Variants in SLC19A2 observed in about 807,000 individuals in gnomAD.
SLC19A2 encodes thiamine transporter 1.
SLC19A2 carries 27 observed loss-of-function variants against 44.7 expected under a neutral mutation model. The ratio of observed to expected loss-of-function variants is 0.60; its 90% CI spans 0.45 to 0.83. The LOEUF is 0.83. SLC19A2 is among the 40% of genes least tolerant of loss of function. The probability of loss-of-function intolerance (pLI) is 0.00; values close to 1 mark genes in which losing one functional copy is unlikely to be tolerated. For missense variants in SLC19A2, 566 were observed against 613.7 expected, an observed-to-expected ratio of 0.92 and a Z score of 0.82; for synonymous variants, 239 against 243.6, an observed-to-expected ratio of 0.98 and a Z score of 0.18.
chr1:169,480,357 G>A (rs1293894169), intron 1 of SLC19A2, among the ~76,000 whole-genome samples: 3 of 151,946 alleles, frequency 2.0e-5, no homozygotes, highest in African/African-American at 4.8e-5. Flanking sequence ...TTGTCACCCA[G>A]GCTGGAGTGC....
At chr1:169,466,554 T>C (rs959019529) in intron 5 of SLC19A2, among the ~76,000 whole-genome samples, 1 of 152,010 alleles carries the variant, frequency 6.6e-6, no homozygotes, top group East Asian at 1.9e-4. Flanking sequence ...CTGGGGTACA[T>C]GTGCAGAATG....
Position 169,477,766 on chromosome 1 carries a change from AAG to A in SLC19A2, c.205-11_205-10del. ...TAAATTTCATTGAAGACCTGGTAGA[AAG>A]AGAAAAAAAAAAAACAAAAAACATT... On this transcript the variant is annotated splice_polypyrimidine_tract_variant and intron_variant, in intron 1 of 5. Transcript: ENST00000236137. The A allele has an allele frequency of 6.2e-7, 1 of 1,600,618 alleles. No individual in the cohort carries two copies. The highest frequency in any genetic ancestry group is 2.2e-5 in the East Asian group (1 of 44,618).
intron 1 of SLC19A2, among the ~76,000 whole-genome samples, chr1:169,478,639 G>C (rs1658381806): frequency 6.9e-6 from 1 of 145,918 alleles, no homozygotes; most frequent in African/African-American, 2.6e-5. Flanking sequence ...CTCCCAAACT[G>C]CTGGGATTAC....
intron 1 of SLC19A2, among the ~76,000 whole-genome samples, chr1:169,480,318 T>C (rs778198460): frequency 1.3e-5 from 2 of 152,100 alleles, no homozygotes; most frequent in Non-Finnish European, 2.9e-5. Flanking sequence ...CTGTCAGCTT[T>C]CTTTTTTTTT....
Position 169,477,391 on chromosome 1 carries a change from T to C in SLC19A2, c.571A>G (p.Asn191Asp), listed in dbSNP as rs143242201. The C allele has an allele frequency of 9.3e-6, 15 of 1,613,942 alleles. No homozygotes were observed. Among genetic ancestry groups the C allele is most frequent in the Non-Finnish European group, 1.3e-5 (15 of 1,180,008 alleles). ...GAAACACAGGTAAGAGAGATGACAT[T>C]CAGGCTGAACAGCGACCAGCCTGCC... ...SVAGWSLFSLNVISLTCVSVA... is the reference protein window; with the variant it reads ...SVAGWSLFSLDVISLTCVSVA... Residue 191 changes from asparagine to aspartate, a missense_variant, in exon 2 of 6, where the codon AAT (asparagine) becomes GAT (aspartate). Coordinates refer to ENST00000236137, the MANE Select transcript of SLC19A2 (RefSeq NM_006996.3).
At chr1:169,468,460 T>C in intron 4 of SLC19A2, 184 bp downstream of exon 4, 1 of 682,676 alleles carries the variant, frequency 1.5e-6, no homozygotes, top group Non-Finnish European at 2.4e-6. Flanking sequence ...CATACAAACA[T>C]GGGAATAAAC....
rs1162622023 is a variant in SLC19A2 at position 169,465,899 on chromosome 1, A to G, written c.1444T>C (p.Cys482Arg). The G allele has an allele frequency of 6.2e-7, 1 of 1,613,958 alleles. No individual in the cohort carries two copies. The highest frequency in any genetic ancestry group is 1.3e-5 in the African/African-American group (1 of 74,894). Reference sequence around the variant, plus strand: ...GATTGTGGATCTTCCAGCTTTCTACATTTCTTCATAACACTGACTGCACCA... The same window carrying G: ...GATTGTGGATCTTCCAGCTTTCTACGTTTCTTCATAACACTGACTGCACCA... ...ASGAVSVMKKCRKLEDPQSSS... is the reference protein window; with the variant it reads ...ASGAVSVMKKRRKLEDPQSSS... Residue 482 changes from cysteine to arginine, a missense_variant, in exon 6 of 6, where the codon TGT (cysteine) becomes CGT (arginine). By Grantham distance (180) the Cys-to-Arg change is radical (BLOSUM62 -3). Coordinates refer to ENST00000236137, the MANE Select transcript of SLC19A2 (RefSeq NM_006996.3).
intron 2 of SLC19A2, among the ~76,000 whole-genome samples, chr1:169,472,507 T>A (rs540181814): frequency 6.6e-6 from 1 of 152,292 alleles, no homozygotes; most frequent in Non-Finnish European, 1.5e-5. Flanking sequence ...CACAAAAGAT[T>A]ATACAGAGTT....
At chr1:169,468,907 CTTAGA>C in intron 3 of SLC19A2, 71 bp from the exon 4 acceptor site, 1 of 1,390,912 alleles carries the variant, frequency 7.2e-7, no homozygotes, top group Non-Finnish European at 1.0e-6. Flanking sequence ...AAAAACTCAG[CTTAGA>C]TTATTAAATT....
chr1:169,468,515 C>T (rs1658089139), intron 4 of SLC19A2, 129 bp downstream of exon 4: 3 of 783,742 alleles, frequency 3.8e-6, no homozygotes, highest in East Asian at 5.3e-5. Flanking sequence ...TGATAATGCA[C>T]ATATAATACA....
Position 169,477,360 on chromosome 1 carries a change from G to C in SLC19A2, c.602C>G (p.Ala201Gly), listed in dbSNP as rs552232941. ...NVISLTCVSV[A>G]FAVAWFLPMP... ...AGGTAAAAACCAGGCCACAGCAAAAGCCACTGAAACACAGGTAAGAGAGAT... is the reference window on the plus strand; with the variant it reads ...AGGTAAAAACCAGGCCACAGCAAAACCCACTGAAACACAGGTAAGAGAGAT... The change falls in exon 2 of 6, where the codon GCT becomes GGT. Residue 201 changes from alanine (A) to glycine (G), a missense_variant. Coordinates refer to ENST00000236137, the MANE Select transcript of SLC19A2 (RefSeq NM_006996.3). 4.3e-6 allele frequency: 7 copies of C among 1,614,144 alleles called. No individual in the cohort carries two copies. The highest frequency in any genetic ancestry group is 4.0e-5 in the African/African-American group (3 of 75,042).
chr1:169,479,819 T>C (rs1350867925), intron 1 of SLC19A2, among the ~76,000 whole-genome samples: 2 of 152,204 alleles, frequency 1.3e-5, no homozygotes, highest in Non-Finnish European at 2.9e-5. Context: ...CTGAGACCAA[T>C]AGTAACTTTC....
chr1:169,465,770 T>G lies in SLC19A2; in HGVS notation c.*79A>C. 2 of 1,492,040 alleles carry G rather than the reference T, an allele frequency of 1.3e-6. No individual in the cohort carries two copies. Among genetic ancestry groups the G allele is most frequent in the South Asian group, 1.1e-5 (1 of 88,350 alleles). The allele number at this position is 1,492,040 out of a possible 1,614,324, so 92.4% of individuals were successfully genotyped here. ...AAATGCACATTCATAAATATATGTCTACGCTTTAAAAAATCAAACACATCC... is the reference window on the plus strand; with the variant it reads ...AAATGCACATTCATAAATATATGTCGACGCTTTAAAAAATCAAACACATCC... On this transcript the variant is annotated 3_prime_UTR_variant, in exon 6 of 6. Coordinates refer to ENST00000236137, the MANE Select transcript of SLC19A2 (RefSeq NM_006996.3).
At position 169,465,768 on chromosome 1, in the gene SLC19A2, T is replaced by G; in HGVS notation, c.*81A>C. On this transcript the variant is annotated 3_prime_UTR_variant, in exon 6 of 6. Transcript: ENST00000236137. Reference sequence around the variant, plus strand: ...AGAAATGCACATTCATAAATATATGTCTACGCTTTAAAAAATCAAACACAT... The same window carrying G: ...AGAAATGCACATTCATAAATATATGGCTACGCTTTAAAAAATCAAACACAT... 6.8e-7 allele frequency: 1 copy of G among 1,471,548 alleles called. No individual in the cohort carries two copies. The highest frequency in any genetic ancestry group is 9.4e-7 in the Non-Finnish European group (1 of 1,059,064). The allele number at this position is 1,471,548 out of a possible 1,614,324, so 91.2% of individuals were successfully genotyped here.
At position 169,468,265 on chromosome 1, in the gene SLC19A2, T is replaced by C. The variant is rs1557888364; in HGVS notation, c.1224-13A>G. 3 of 1,602,662 alleles carry C rather than the reference T, an allele frequency of 1.9e-6. No homozygotes were observed. The highest frequency in any genetic ancestry group is 1.1e-5 in the South Asian group (1 of 90,668). ...AGCAATTTGAAAACTTAAAAAAAAA[T>C]AAAAGAGTGAATAAATAAGAATTAC... On this transcript the variant is annotated splice_polypyrimidine_tract_variant and intron_variant, in intron 4 of 5. Coordinates refer to ENST00000236137, the MANE Select transcript of SLC19A2 (RefSeq NM_006996.3).
chr1:169,475,987 T>C (rs183684148), intron 2 of SLC19A2, among the ~76,000 whole-genome samples: 25 of 152,336 alleles, frequency 1.6e-4, no homozygotes, highest in Admixed American at 4.6e-4. Context: ...ACAAAGCTTA[T>C]GGAGCTCAGT....
chr1:169,473,821 T>C (rs1571535470), intron 2 of SLC19A2, among the ~76,000 whole-genome samples: 1 of 151,732 alleles, frequency 6.6e-6, no homozygotes, highest in East Asian at 2.0e-4. Flanking sequence ...CACAAATACA[T>C]GACTATCTAC....
chr1:169,476,668 C>T (rs1406038649), intron 2 of SLC19A2, among the ~76,000 whole-genome samples: 4 of 152,066 alleles, frequency 2.6e-5, no homozygotes, highest in African/African-American at 7.2e-5. Context: ...TGCAGTGAAT[C>T]GAGATCGCAC....
At chr1:169,480,960 G>A (rs796984504) in intron 1 of SLC19A2, among the ~76,000 whole-genome samples, 10 of 152,230 alleles carry the variant, frequency 6.6e-5, no homozygotes, top group African/African-American at 2.4e-4. Context: ...GAAGATGGAG[G>A]AGAGTAACAC....
Sources: allele counts gnomAD v4.1 joint callset (sites outside exome capture counted in the v4.1 genomes callset), GRCh38; gene constraint gnomAD v4.1.1; transcripts MANE v1.5; gene names NCBI Gene and HGNC (gene_info 2026-07-23, HGNC 2026-07-21).